The following DYNC1I1 variants were observed in gnomAD, a reference collection of about 807,000 sequenced individuals.
DYNC1I1 encodes the protein dynein cytoplasmic 1 intermediate chain 1, also known as cytoplasmic dynein 1 intermediate chain 1.
A neutral mutation model predicts 86.6 loss-of-function variants in DYNC1I1; 43 were observed. That is an observed-to-expected ratio of 0.50 (90% confidence interval 0.39 to 0.64). The LOEUF (loss-of-function observed/expected upper bound fraction) is 0.64. Ranked by LOEUF, DYNC1I1 falls within the 30% of genes least tolerant of loss-of-function variation. The probability of loss-of-function intolerance (pLI) is 0.00; values close to 1 mark genes in which losing one functional copy is unlikely to be tolerated. For missense variants in DYNC1I1, 604 were observed against 788.8 expected (o/e 0.77, Z 2.81); for synonymous variants, 262 against 283.7 (o/e 0.92, Z 0.77).
Position 95,974,667 on chromosome 7 carries a change from C to T in DYNC1I1, c.491-2845C>T, listed in dbSNP as rs374628420. 1.0e-3 allele frequency among the ~76,000 whole-genome samples: 152 copies of T among 152,140 alleles called. 3 individuals are homozygous for T. The South Asian group carries it at 0.03, about 30-fold the overall frequency. On this transcript the variant is annotated intron_variant, in intron 6 of 16. Coordinates refer to ENST00000447467, the MANE Select transcript of DYNC1I1 (RefSeq NM_001135556.2). ...ATTAACACTTCATATTAAGCATTGCCGGCCAGGTCTCAAAGCAGTGGATTC... is the reference window on the plus strand; with the variant it reads ...ATTAACACTTCATATTAAGCATTGCTGGCCAGGTCTCAAAGCAGTGGATTC...
chr7:96,067,445 C>CTTTTTT (rs555422571), intron 14 of DYNC1I1, among the ~76,000 whole-genome samples: 8 of 138,766 alleles, frequency 5.8e-5, no homozygotes, highest in South Asian at 2.3e-4. Flanking sequence ...TCTTTCTTTC[C>CTTTTTT]TTTTTTTTTT....
chr7:95,909,243 T>TGGGG (rs55986463), intron 6 of DYNC1I1, among the ~76,000 whole-genome samples: 4 of 40,378 alleles, frequency 9.9e-5, no homozygotes, highest in African/African-American at 2.2e-4. Flanking sequence ...GGGAGGGGGG[T>TGGGG]GGGGGGGGGG....
At chr7:96,108,109 A>G (rs894186209) in intron 16 of DYNC1I1, among the ~76,000 whole-genome samples, 2 of 152,120 alleles carry the variant, frequency 1.3e-5, no homozygotes, top group African/African-American at 4.8e-5. Flanking sequence ...TTTATCAGGT[A>G]AAGTTTCCTT....
At chr7:96,085,133 C>T (rs1290277920) in intron 16 of DYNC1I1, among the ~76,000 whole-genome samples, 2 of 152,176 alleles carry the variant, frequency 1.3e-5, no homozygotes, top group African/African-American at 4.8e-5. Flanking sequence ...TGCCTCATCT[C>T]CTGTCCCAGC....
At chr7:95,809,479 CA>C (rs1349744874) in intron 2 of DYNC1I1, among the ~76,000 whole-genome samples, 3 of 152,156 alleles carry the variant, frequency 2.0e-5, no homozygotes, top group African/African-American at 7.2e-5. Flanking sequence ...GGTAGTTACA[CA>C]TCAACGTGAT....
chr7:95,846,617 A>ATC (rs71739811), intron 5 of DYNC1I1, among the ~76,000 whole-genome samples: 3 of 121,452 alleles, frequency 2.5e-5, no homozygotes, highest in African/African-American at 1.0e-4. Context: ...TAAATGATAA[A>ATC]TCTCTCTCTC....
chr7:96,011,993 C>T (rs1348114092), intron 10 of DYNC1I1, among the ~76,000 whole-genome samples: 1 of 152,112 alleles, frequency 6.6e-6, no homozygotes, highest in Non-Finnish European at 1.5e-5. Flanking sequence ...AATTGAAAAA[C>T]TTAAAAAATG....
intron 6 of DYNC1I1, among the ~76,000 whole-genome samples, chr7:95,881,084 A>C (rs1790444928): frequency 1.3e-5 from 2 of 152,222 alleles, no homozygotes; most frequent in Admixed American, 6.5e-5. Flanking sequence ...CAAAGTACTG[A>C]AGATAATGTT....
intron 5 of DYNC1I1, among the ~76,000 whole-genome samples, chr7:95,859,549 T>C (rs1789819210): frequency 6.6e-6 from 1 of 152,186 alleles, no homozygotes; most frequent in Non-Finnish European, 1.5e-5. Context: ...CCACTGTGGC[T>C]GATGTGGTGT....
At chr7:95,871,992 G>T (rs1249854604) in intron 6 of DYNC1I1, among the ~76,000 whole-genome samples, 7 of 152,200 alleles carry the variant, frequency 4.6e-5, no homozygotes, top group Non-Finnish European at 1.0e-4. Flanking sequence ...CTTTCAATTT[G>T]GGTTCAGCAA....
intron 8 of DYNC1I1, 31 bp from the exon 9 acceptor site, chr7:95,987,025 A>G (rs2115700102): frequency 6.3e-7 from 1 of 1,597,636 alleles, no homozygotes; most frequent in East Asian, 2.2e-5. Context: ...AAAGAGCTCC[A>G]TATTTATCTC....
chr7:95,954,915 C>CAGAAAAA (rs1792666531), intron 6 of DYNC1I1, among the ~76,000 whole-genome samples: 1 of 81,876 alleles, frequency 1.2e-5, no homozygotes, highest in African/African-American at 4.7e-5. Flanking sequence ...GACTCTGTCT[C>CAGAAAAA]AAAAAAAAAA....
At chr7:95,833,304 G>C (rs1446789297) in intron 5 of DYNC1I1, among the ~76,000 whole-genome samples, 35 of 148,208 alleles carry the variant, frequency 2.4e-4, no homozygotes, top group African/African-American at 8.2e-4. Flanking sequence ...ATTTCTGAGG[G>C]CTCTGTTCTG....
intron 5 of DYNC1I1, among the ~76,000 whole-genome samples, chr7:95,852,713 G>T (rs938602701): frequency 2.6e-5 from 4 of 151,950 alleles, no homozygotes; most frequent in Non-Finnish European, 5.9e-5. Flanking sequence ...CACCATTTTG[G>T]CCAGGTGGTC....
intron 6 of DYNC1I1, among the ~76,000 whole-genome samples, chr7:95,934,693 T>C (rs1287724208): frequency 1.3e-5 from 2 of 152,098 alleles, no homozygotes; most frequent in Non-Finnish European, 1.5e-5. Context: ...ACATGTATTA[T>C]CCACCTGGTG....
Position 95,929,091 on chromosome 7 carries a change from G to A in DYNC1I1, c.491-48421G>A, listed in dbSNP as rs368410179. On this transcript the variant is annotated intron_variant, in intron 6 of 16. Coordinates refer to ENST00000447467, the MANE Select transcript of DYNC1I1 (RefSeq NM_001135556.2). ...GTGATGTACTCAACAAATGCATAAA[G>A]ATGAGCATGTTTTAATTGTCCAGGC... 5.3e-5 allele frequency among the ~76,000 whole-genome samples: 8 copies of A among 152,276 alleles called. No individual in the cohort carries two copies. The East Asian group carries it at 9.7e-4, about 18-fold the overall frequency.
At chr7:95,904,296 G>C (rs1197381825) in intron 6 of DYNC1I1, among the ~76,000 whole-genome samples, 2 of 152,142 alleles carry the variant, frequency 1.3e-5, no homozygotes, top group Non-Finnish European at 2.9e-5. Context: ...CTGCTCATCT[G>C]TGTAAGATGG....
At chr7:96,044,817 G>A (rs1789160079) in intron 14 of DYNC1I1, among the ~76,000 whole-genome samples, 1 of 152,208 alleles carries the variant, frequency 6.6e-6, no homozygotes, top group Admixed American at 6.5e-5. Context: ...GCTGATCACA[G>A]AGGAGAATAG....
intron 6 of DYNC1I1, among the ~76,000 whole-genome samples, chr7:95,974,068 G>T (rs1053591414): frequency 6.6e-5 from 10 of 152,098 alleles, no homozygotes; most frequent in Non-Finnish European, 1.0e-4. Flanking sequence ...TTAAGTTTTT[G>T]CTCACATGTC....
Sources: allele counts gnomAD v4.1 joint callset (sites outside exome capture counted in the v4.1 genomes callset), GRCh38; gene constraint gnomAD v4.1.1; transcripts MANE v1.5; gene names NCBI Gene and HGNC (gene_info 2026-07-23, HGNC 2026-07-21).